POLB: variants seen among roughly 807,000 people sequenced by gnomAD.
The protein encoded by POLB is 5'-dRP lyase.
A neutral mutation model predicts 52.7 loss-of-function variants in POLB; 37 were observed. That is an observed-to-expected ratio of 0.70 (90% CI 0.54 to 0.92). POLB has a LOEUF of 0.92. Ranked by LOEUF, POLB falls within the 40% of genes least tolerant of loss-of-function variation. The pLI is 0.00. For missense variants in POLB, 313 were observed against 400.8 expected (o/e 0.78, Z 1.87); for synonymous variants, 138 against 131.3 (o/e 1.05, Z -0.35).
At chr8:42,362,532 C>G in intron 10 of POLB, 80 bp from the exon 11 acceptor site, 4 of 878,122 alleles carry the variant, frequency 4.6e-6, no homozygotes, top group Non-Finnish European at 7.5e-6. Context: ...AAGACTGTGT[C>G]TCTAAAAATA....
At chr8:42,359,156 A>G (rs1585902486) in intron 9 of POLB, among the ~76,000 whole-genome samples, 4 of 152,312 alleles carry the variant, frequency 2.6e-5, no homozygotes, top group Non-Finnish European at 1.5e-5. Flanking sequence ...TCTAAGTCCC[A>G]TTAAGAACCA....
At chr8:42,361,445 T>A (rs1331703544) in intron 10 of POLB, 80 bp downstream of exon 10, 1 of 1,006,180 alleles carries the variant, frequency 9.9e-7, no homozygotes, top group East Asian at 2.4e-5. Context: ...TTGGGTATTT[T>A]CAGAATAAGT....
In POLB at chr8:42,355,545, CATCATCAGCGAATTGGGCTGAAGTAAG is replaced by C. The variant is rs1326058776; in HGVS notation, c.403_422+7del. Reference sequence around the variant, plus strand: ...CAGAAAAAATGAAGATAAATTGAACCATCATCAGCGAATTGGGCTGAAGTAAGATGGCAGATTTTCTTTTGACACTTG... The same window carrying C: ...CAGAAAAAATGAAGATAAATTGAACCATGGCAGATTTTCTTTTGACACTTG... On this transcript the variant is annotated splice_donor_variant and splice_donor_5th_base_variant and coding_sequence_variant and intron_variant, in exon 7 of 14. Coordinates refer to ENST00000265421, the MANE Select transcript of POLB (RefSeq NM_002690.3). LOFTEE classifies it high-confidence loss of function. 1.9e-6 allele frequency: 3 copies of C among 1,593,892 alleles called. No individual in the cohort carries two copies. Among genetic ancestry groups the C allele is most frequent in the African/African-American group, 1.3e-5 (1 of 74,504 alleles).
chr8:42,341,376 C>T (rs911386730), intron 2 of POLB, among the ~76,000 whole-genome samples: 6 of 152,174 alleles, frequency 3.9e-5, no homozygotes, highest in African/African-American at 9.7e-5. Flanking sequence ...TGCTCCTTTA[C>T]TTATAAATAT....
intron 2 of POLB, among the ~76,000 whole-genome samples, chr8:42,343,798 T>A (rs892790269): frequency 6.6e-6 from 1 of 152,112 alleles, no homozygotes; most frequent in Non-Finnish European, 1.5e-5. Flanking sequence ...GAGTTTAAAT[T>A]CAGTTATTCT....
chr8:42,348,892 C>G (rs1822795054), intron 3 of POLB, 124 bp from the exon 4 acceptor site: 1 of 531,988 alleles, frequency 1.9e-6, no homozygotes, highest in African/African-American at 2.0e-5. Flanking sequence ...TTTCTGTGTC[C>G]TTTATTTCAA....
At chr8:42,347,737 AT>A (rs141604550) in intron 3 of POLB, among the ~76,000 whole-genome samples, 633 of 152,280 alleles carry the variant, frequency 4.2e-3, no homozygotes, top group Non-Finnish European at 8.1e-3. Context: ...CCTTTTTCTA[AT>A]CTATTCTGCT....
In POLB at chr8:42,370,176, A is replaced by T. The variant is rs544142546; in HGVS notation, c.913+188A>T. On this transcript the variant is annotated intron_variant, in intron 13 of 13. Coordinates refer to ENST00000265421, the MANE Select transcript of POLB (RefSeq NM_002690.3). ...GCTCCTAGGCCCTCAGTTGAAGGCC[A>T]TCAAGGCAAGCGTTAGTTCCAGCTT... 7.5e-4 allele frequency: 514 copies of T among 682,322 alleles called. 7 individuals carry two copies. Among genetic ancestry groups the T allele is most frequent in the South Asian group, 7.4e-3 (495 of 66,586 alleles). The allele number at this position is 682,322 out of a possible 1,614,324, so 42.3% of individuals were successfully genotyped here.
At chr8:42,344,189 A>T (rs889659092) in intron 2 of POLB, among the ~76,000 whole-genome samples, 2 of 149,342 alleles carry the variant, frequency 1.3e-5, no homozygotes, top group African/African-American at 5.0e-5. Context: ...CACGCCTGTA[A>T]TCCTAGCTGG....
At chr8:42,366,526 T>C (rs1046542738) in intron 11 of POLB, among the ~76,000 whole-genome samples, 2 of 152,218 alleles carry the variant, frequency 1.3e-5, no homozygotes, top group African/African-American at 4.8e-5. Flanking sequence ...ATACCTGTGG[T>C]TCATAGTCCC....
At chr8:42,349,259 C>G in intron 4 of POLB, 169 bp downstream of exon 4, 1 of 514,712 alleles carries the variant, frequency 1.9e-6, no homozygotes, top group South Asian at 2.9e-5. Flanking sequence ...ATAAAATGTT[C>G]ACTTGTTTTA....
chr8:42,369,475 C>G lies in POLB; in HGVS notation c.773+140C>G, dbSNP rs527561288. On this transcript the variant is annotated intron_variant, in intron 12 of 13. Coordinates refer to ENST00000265421, the MANE Select transcript of POLB (RefSeq NM_002690.3). ...AAGAGCCATATGTTCTTGCCAAATGCAATGTTTAGCTCCAAAGTATGTAAA... is the reference window on the plus strand; with the variant it reads ...AAGAGCCATATGTTCTTGCCAAATGGAATGTTTAGCTCCAAAGTATGTAAA... 4 of 574,370 alleles carry G rather than the reference C, an allele frequency of 7.0e-6. No individual in the cohort carries two copies. The South Asian group carries it at 9.9e-5, about 14-fold the overall frequency. The allele number at this position is 574,370 out of a possible 1,614,324, so 35.6% of individuals were successfully genotyped here.
At chr8:42,363,008 T>C (rs1317655931) in intron 11 of POLB, among the ~76,000 whole-genome samples, 2 of 151,162 alleles carry the variant, frequency 1.3e-5, no homozygotes, top group African/African-American at 4.9e-5. Context: ...CCTGTAATCC[T>C]AGCTACTCAG....
At chr8:42,353,883 T>A (rs1823138131) in intron 6 of POLB, among the ~76,000 whole-genome samples, 1 of 142,766 alleles carries the variant, frequency 7.0e-6, no homozygotes, top group Admixed American at 7.0e-5. Flanking sequence ...GCTTGGTACC[T>A]AGTACTACTT....
chr8:42,347,082 GA>G (rs1474433813), intron 3 of POLB, among the ~76,000 whole-genome samples: 7 of 152,040 alleles, frequency 4.6e-5, no homozygotes, highest in Admixed American at 4.6e-4. Context: ...GAGAAAAACT[GA>G]AAAGCTCTGA....
At chr8:42,343,345 A>AATATATAT (rs1554531634) in intron 2 of POLB, among the ~76,000 whole-genome samples, 2 of 33,062 alleles carry the variant, frequency 6.0e-5, no homozygotes, top group African/African-American at 1.2e-4. Context: ...AAAAAAAAAA[A>AATATATAT]ATATATATAT....
chr8:42,350,089 C>G (rs749841076), intron 5 of POLB, 24 bp downstream of exon 5: 3 of 1,474,282 alleles, frequency 2.0e-6, no homozygotes, highest in Non-Finnish European at 2.9e-6. Context: ...TTTAAGCAGA[C>G]ACAATCGTCA....
At chr8:42,344,820 C>CAA in intron 2 of POLB, 133 bp from the exon 3 acceptor site, 3 of 607,130 alleles carry the variant, frequency 4.9e-6, no homozygotes, top group South Asian at 2.0e-5. Context: ...TCAAAAAAAA[C>CAA]AAAAAAAAAG....
At chr8:42,368,580 A>G (rs1025478820) in intron 11 of POLB, among the ~76,000 whole-genome samples, 11 of 152,008 alleles carry the variant, frequency 7.2e-5, no homozygotes, top group African/African-American at 2.2e-4. Context: ...TTTTTTGTCC[A>G]TTTTTCAGGA....
Sources: gnomAD v4.1 joint callset for allele counts (sites outside exome capture counted in the v4.1 genomes callset) on GRCh38, gnomAD v4.1.1 for gene constraint, MANE v1.5 for transcripts, NCBI Gene and HGNC (gene_info 2026-07-23, HGNC 2026-07-21) for gene names.